IL1A: variants seen among roughly 807,000 people sequenced by gnomAD.
IL1A encodes interleukin-1 alpha.
In IL1A, 16 loss-of-function variants were observed where a neutral mutation model predicts 22.2. The observed-to-expected ratio is 0.72, with a 90% CI of 0.49 to 1.09. The LOEUF (loss-of-function observed/expected upper bound fraction) is 1.09, where lower values mean the gene tolerates loss of function less well. Ranked by LOEUF, IL1A falls within the 50% of genes least tolerant of loss-of-function variation. IL1A has a pLI of 0.00. For synonymous variants in IL1A, 113 were observed against 118.5 expected, an observed-to-expected ratio of 0.95 and a Z score of 0.30; for missense variants, 317 against 321.8, an observed-to-expected ratio of 0.99 and a Z score of 0.11.
intron 6 of IL1A, among the ~76,000 whole-genome samples, chr2:112,777,307 C>T (rs2104906737): frequency 6.6e-6 from 1 of 152,304 alleles, no homozygotes; most frequent in Middle Eastern, 3.4e-3. Context: ...AAGCTACTGC[C>T]CTACTCTGTA....
At chr2:112,782,678 G>C (rs1558771215) in intron 3 of IL1A, 38 bp downstream of exon 3, 1 of 1,445,178 alleles carries the variant, frequency 6.9e-7, no homozygotes, top group Non-Finnish European at 9.7e-7. Flanking sequence ...CACTGTGTAA[G>C]AATAGCAGTC....
chr2:112,775,631 C>T (rs1558769357), intron 6 of IL1A, among the ~76,000 whole-genome samples: 3 of 152,104 alleles, frequency 2.0e-5, no homozygotes, highest in South Asian at 2.1e-4. Flanking sequence ...CTGAGCACTA[C>T]AGTGATTCTA....
chr2:112,783,951 C>T (rs1489184013), intron 1 of IL1A, among the ~76,000 whole-genome samples, 173 bp from the exon 2 acceptor site: 2 of 152,220 alleles, frequency 1.3e-5, no homozygotes, highest in East Asian at 1.9e-4. Flanking sequence ...GTACCTGTCT[C>T]CTTTATTAGA....
In IL1A at chr2:112,779,571, C is replaced by T. The variant is rs766602023; in HGVS notation, c.415G>A (p.Ala139Thr). The T allele has an allele frequency of 5.6e-6, 9 of 1,611,066 alleles. No homozygotes were observed. The highest frequency in any genetic ancestry group is 1.7e-4 in the Middle Eastern group (1 of 6,042). The change falls in exon 5 of 7, where the codon GCC (alanine) becomes ACC (threonine). Residue 139 changes from alanine (A) to threonine (T), a missense_variant. Ala to Thr is a moderately conservative substitution (Grantham distance 58). Coordinates refer to ENST00000263339, the MANE Select transcript of IL1A (RefSeq NM_000575.5). Reference protein sequence around the residue: ...IIKYEFILNDALNQSIIRAND... With the variant: ...IIKYEFILNDTLNQSIIRAND... ...GCTCGAATTATACTTTGATTGAGGG[C>T]GTCATTCAGGATGAATTCGTATTTG...
chr2:112,782,667 C>T (rs199822005), intron 3 of IL1A, 49 bp downstream of exon 3: 18 of 1,339,594 alleles, frequency 1.3e-5, no homozygotes. Flanking sequence ...GATGAAGAAA[C>T]CACTGTGTAA....
chr2:112,781,827 CTG>C lies in IL1A; in HGVS notation c.97-3_97-2del, dbSNP rs1300005264. 1 of 1,609,150 alleles carries C rather than the reference CTG, an allele frequency of 6.2e-7. No individual in the cohort carries two copies. The highest frequency in any genetic ancestry group is 1.7e-5 in the Admixed American group (1 of 60,026). On this transcript the variant is annotated splice_acceptor_variant and splice_polypyrimidine_tract_variant and intron_variant, in intron 3 of 6. Transcript: ENST00000263339. LOFTEE classifies it high-confidence loss of function. The stretch of plus-strand genomic sequence containing the variant: ...CATAGCTTACATGATAGAAGGATTT[CTG>C]TGAGGAAGGAAAACAGAAGCTGAGA...
At chr2:112,778,293 T>C (rs144344942) in intron 5 of IL1A, among the ~76,000 whole-genome samples, 182 bp from the exon 6 acceptor site, 332 of 152,202 alleles carry the variant, frequency 2.2e-3, no homozygotes, top group African/African-American at 7.6e-3. Flanking sequence ...TCTATACATC[T>C]TTGTGTCCTT....
chr2:112,782,631 G>T, intron 3 of IL1A, 85 bp downstream of exon 3: 2 of 998,462 alleles, frequency 2.0e-6, no homozygotes, highest in South Asian at 2.7e-5. Context: ...AAGTATTGAA[G>T]ATTCAAGTCA....
rs371734992 is a variant in IL1A, at chr2:112,778,049, T to G, written c.553A>C (p.Arg185=). 40 of 1,613,912 alleles carry G rather than the reference T, an allele frequency of 2.5e-5. No individual in the cohort carries two copies. Among genetic ancestry groups the G allele is most frequent in the Admixed American group, 5.0e-5 (3 of 60,008 alleles). Residue 185 remains arginine (R), a synonymous_variant, in exon 6 of 7, where the codon AGA becomes CGA. Transcript: ENST00000263339. ...ACATACAATTGAGTTTTTGAGATTC[T>G]TAGAATCACGGTAATTTTAGCATCA... ...KDDAKITVIL[R]ISKTQLYVTA...
intron 4 of IL1A, 26 bp from the exon 5 acceptor site, chr2:112,779,692 T>C: frequency 6.4e-7 from 1 of 1,565,710 alleles, no homozygotes; most frequent in African/African-American, 1.3e-5. Flanking sequence ...CAAGTGCAGA[T>C]TAATGTCTAT....
At chr2:112,781,025 AAT>A in intron 4 of IL1A, among the ~76,000 whole-genome samples, 1 of 152,050 alleles carries the variant, frequency 6.6e-6, no homozygotes, top group African/African-American at 2.4e-5. Context: ...ATCTCAAAAA[AAT>A]AAAATAAAAT....
chr2:112,779,460 AG>A lies in IL1A; in HGVS notation c.490+35del, dbSNP rs1681157136. 4 of 1,465,900 alleles carry A rather than the reference AG, an allele frequency of 2.7e-6. No homozygotes were observed. The African/African-American group carries it at 5.6e-5, about 20-fold the overall frequency. 90.8% of individuals were successfully genotyped at this position (1,465,900 alleles called of 1,614,324 possible). A position where few individuals can be genotyped will look rare whatever the true frequency, so the allele number is the denominator to read the frequency against. Reference sequence around the variant, plus strand: ...ATAAATAAGTAAATGAAAGGAGGGGAGGATGACAGAAATGTCTGGTGCCATT... The same window carrying A: ...ATAAATAAGTAAATGAAAGGAGGGGAGATGACAGAAATGTCTGGTGCCATT... On this transcript the variant is annotated intron_variant, in intron 5 of 6. Transcript: ENST00000263339.
intron 4 of IL1A, 89 bp from the exon 5 acceptor site, chr2:112,779,755 G>A: frequency 1.1e-6 from 1 of 910,064 alleles, no homozygotes; most frequent in Non-Finnish European, 1.6e-6. Flanking sequence ...AAATAGTTCT[G>A]GAGGGGATAT....
In IL1A at chr2:112,777,992, G is replaced by T. The variant is rs1681128182; in HGVS notation, c.610C>A (p.Leu204Met). The change falls in exon 6 of 7, where the codon CTG becomes ATG. Residue 204 changes from leucine to methionine, a missense_variant. Transcript: ENST00000263339. ...TAQDEDQPVL[L>M]KEMPEIPKTI... Reference sequence around the variant, plus strand: ...GGAGACAAAGGACAACTGACCTTCAGCAGCACTGGTTGGTCTTCATCTTGG... The same window carrying T: ...GGAGACAAAGGACAACTGACCTTCATCAGCACTGGTTGGTCTTCATCTTGG... 1 of 1,614,006 alleles carries T rather than the reference G, an allele frequency of 6.2e-7. No homozygotes were observed.
chr2:112,777,837 TG>T, intron 6 of IL1A, 149 bp downstream of exon 6: 1 of 719,622 alleles, frequency 1.4e-6, no homozygotes, highest in Non-Finnish European at 2.3e-6. Context: ...GGCACGCCTC[TG>T]GAATCAATGG....
intron 1 of IL1A, among the ~76,000 whole-genome samples, chr2:112,784,237 C>G (rs1287941531): frequency 6.6e-6 from 1 of 152,216 alleles, no homozygotes; most frequent in African/African-American, 2.4e-5. Context: ...TGCTGTCCCT[C>G]AGTATAACGA....
At chr2:112,778,573 T>G (rs1272077000) in intron 5 of IL1A, among the ~76,000 whole-genome samples, 1 of 152,200 alleles carries the variant, frequency 6.6e-6, no homozygotes, top group Non-Finnish European at 1.5e-5. Flanking sequence ...AGCTGTCAAA[T>G]TATTTGTGCC....
chr2:112,779,380 T>C, intron 5 of IL1A, 116 bp downstream of exon 5: 1 of 782,948 alleles, frequency 1.3e-6, no homozygotes, highest in Non-Finnish European at 1.9e-6. Context: ...GGAAGAATTG[T>C]GCAACCCAGA....
chr2:112,777,866 G>A, intron 6 of IL1A, 121 bp downstream of exon 6: 1 of 992,684 alleles, frequency 1.0e-6, no homozygotes, highest in Non-Finnish European at 1.5e-6. Flanking sequence ...GTGGGCAGGT[G>A]GGGGCTGTGG....
Sources: allele counts gnomAD v4.1 joint callset (sites outside exome capture counted in the v4.1 genomes callset), GRCh38; gene constraint gnomAD v4.1.1; transcripts MANE v1.5; gene names NCBI Gene and HGNC (gene_info 2026-07-23, HGNC 2026-07-21).